The following MEIKIN variants were observed in gnomAD, a reference collection of about 807,000 sequenced individuals.
MEIKIN encodes the protein meiotic kinetochore factor.
At chr5:131,863,793 C>T (rs909526076) in intron 9 of MEIKIN, among the ~76,000 whole-genome samples, 13 of 151,992 alleles carry the variant, frequency 8.6e-5, no homozygotes, top group African/African-American at 3.1e-4. Flanking sequence ...CTTCCCCATG[C>T]CGTTCTTGTG....
At chr5:131,918,243 T>C (rs1164763482) in intron 6 of MEIKIN, among the ~76,000 whole-genome samples, 2 of 152,184 alleles carry the variant, frequency 1.3e-5, no homozygotes, top group African/African-American at 2.4e-5. Flanking sequence ...CCGATATCAT[T>C]TGAAACCCTG....
At position 131,927,691 on chromosome 5, in the gene MEIKIN, C is replaced by T. The variant is rs118165265; in HGVS notation, c.479-5750G>A. On this transcript the variant is annotated intron_variant, in intron 5 of 12. Coordinates refer to ENST00000442687, the MANE Select transcript of MEIKIN (RefSeq NM_001303622.2). ...CTGTATATCTTCCTGGTGAATTGAC[C>T]CTTTTATTATTATTTTTGTTCTTCT... 4.1e-4 allele frequency among the ~76,000 whole-genome samples: 63 copies of T among 151,970 alleles called. No individual in the cohort carries two copies. The East Asian group carries it at 4.4e-3, about 11-fold the overall frequency.
rs568198091 is a variant in MEIKIN at position 131,907,340 on chromosome 5, T to C, written c.703+4475A>G. Among the ~76,000 whole-genome samples the C allele has an allele frequency of 8.7e-5, 13 of 149,644 alleles. 1 individual carries two copies. In the East Asian group the frequency reaches 2.6e-3, roughly 30 times the overall value. On this transcript the variant is annotated intron_variant, in intron 8 of 12. Transcript: ENST00000442687. ...AAAAAAAGATCAGAGCAGAAACAAA[T>C]GAATTCGAAAACAATACAAAAAAGC...
intron 5 of MEIKIN, among the ~76,000 whole-genome samples, chr5:131,929,686 C>T (rs1362011304): frequency 6.6e-6 from 1 of 152,142 alleles, no homozygotes; most frequent in Non-Finnish European, 1.5e-5. Context: ...ACCCTCTTCC[C>T]ACCCTCCAAC....
intron 8 of MEIKIN, among the ~76,000 whole-genome samples, chr5:131,901,314 C>A (rs1751153370): frequency 6.6e-6 from 1 of 152,134 alleles, no homozygotes; most frequent in South Asian, 2.1e-4. Context: ...GATACCTGTA[C>A]AGATGGCACA....
chr5:131,934,120 A>G (rs912244613), intron 4 of MEIKIN, among the ~76,000 whole-genome samples: 2 of 147,358 alleles, frequency 1.4e-5, no homozygotes, highest in African/African-American at 2.5e-5. Flanking sequence ...CTGGCTAATT[A>G]TTTTTTTTTT....
intron 8 of MEIKIN, among the ~76,000 whole-genome samples, chr5:131,881,421 T>C (rs962748697): frequency 6.6e-6 from 1 of 152,202 alleles, no homozygotes; most frequent in African/African-American, 2.4e-5. Flanking sequence ...ATTTCTCCCT[T>C]TCCCTACCTC....
At chr5:131,864,397 G>C (rs763234796) in intron 9 of MEIKIN, among the ~76,000 whole-genome samples, 1 of 152,116 alleles carries the variant, frequency 6.6e-6, no homozygotes, top group Admixed American at 6.6e-5. Context: ...ACCAGTTGTA[G>C]GACTCCCTTG....
At chr5:131,918,166 A>T (rs1250594751) in intron 6 of MEIKIN, among the ~76,000 whole-genome samples, 2 of 152,164 alleles carry the variant, frequency 1.3e-5, no homozygotes, top group South Asian at 2.1e-4. Flanking sequence ...CTAAGAAGGG[A>T]CTTGTCTGAG....
intron 8 of MEIKIN, among the ~76,000 whole-genome samples, chr5:131,896,861 G>A (rs1010627217): frequency 6.6e-6 from 1 of 152,120 alleles, no homozygotes; most frequent in African/African-American, 2.4e-5. Context: ...TCTTTTAATT[G>A]GGGCATTTAG....
In MEIKIN at chr5:131,807,062, TTAAAAG is replaced by T. The variant is rs1311932847; in HGVS notation, c.*168_*173del. 3 of 388,542 alleles carry T rather than the reference TTAAAAG, an allele frequency of 7.7e-6. No homozygotes were observed. Among genetic ancestry groups the T allele is most frequent in the Non-Finnish European group, 1.4e-5 (3 of 220,468 alleles). The allele number at this position is 388,542 out of a possible 1,614,324, so 24.1% of individuals were successfully genotyped here. A position where few individuals can be genotyped will look rare whatever the true frequency, so the allele number is the denominator to read the frequency against. ...TGGAATAATTTTTTTTCTTAACTGA[TTAAAAG>T]TAAATGACAAGAACCTCAGTAGAAT... On this transcript the variant is annotated 3_prime_UTR_variant, in exon 13 of 13. Transcript: ENST00000442687.
In MEIKIN at chr5:131,838,681, G is replaced by C. The variant is rs1199077073; in HGVS notation, c.975+12583C>G. On this transcript the variant is annotated intron_variant, in intron 11 of 12. Coordinates refer to ENST00000442687, the MANE Select transcript of MEIKIN (RefSeq NM_001303622.2). ...TTATCTCATGGTTATTTGCTTTTCT[G>C]TGGGGCCAGTGTTAATATCCCTTTT... Among the ~76,000 whole-genome samples, 4 of 152,012 alleles carry C rather than the reference G, an allele frequency of 2.6e-5. No individual in the cohort carries two copies. In the East Asian group the frequency reaches 7.7e-4, roughly 29 times the overall value.
At chr5:131,820,601 T>A (rs970282427) in intron 11 of MEIKIN, among the ~76,000 whole-genome samples, 2 of 152,226 alleles carry the variant, frequency 1.3e-5, no homozygotes, top group Admixed American at 6.5e-5. Flanking sequence ...GGATTGGTAT[T>A]AGTTCTTCTT....
chr5:131,855,151 T>C (rs892308533), intron 9 of MEIKIN, among the ~76,000 whole-genome samples: 4 of 152,214 alleles, frequency 2.6e-5, no homozygotes, highest in Non-Finnish European at 4.4e-5. Context: ...AGTTAGGAAA[T>C]GGCGCTTCAG....
At chr5:131,815,548 C>G (rs1457051059) in intron 12 of MEIKIN, among the ~76,000 whole-genome samples, 1 of 152,190 alleles carries the variant, frequency 6.6e-6, no homozygotes. Context: ...GAGACTAATT[C>G]TATTAAACTG....
chr5:131,877,700 C>T (rs1413858858), intron 9 of MEIKIN, among the ~76,000 whole-genome samples: 1 of 152,098 alleles, frequency 6.6e-6, no homozygotes, highest in Non-Finnish European at 1.5e-5. Flanking sequence ...CGTAATGATT[C>T]ATAAGTAATC....
intron 11 of MEIKIN, among the ~76,000 whole-genome samples, chr5:131,840,093 A>G (rs959489210): frequency 7.2e-5 from 11 of 152,136 alleles, no homozygotes; most frequent in Admixed American, 4.6e-4. Context: ...TGTCTGAAAA[A>G]GATATTATTT....
intron 8 of MEIKIN, among the ~76,000 whole-genome samples, chr5:131,888,183 T>C (rs1750836827): frequency 6.7e-6 from 1 of 148,346 alleles, no homozygotes; most frequent in South Asian, 2.2e-4. Flanking sequence ...TGTGCATGTG[T>C]CTTTATAGCA....
intron 12 of MEIKIN, among the ~76,000 whole-genome samples, chr5:131,809,104 T>G (rs1772903413): frequency 6.6e-6 from 1 of 152,124 alleles, no homozygotes; most frequent in Admixed American, 6.5e-5. Flanking sequence ...TCTATTGGGC[T>G]TGTTTTACAT....
Sources: gnomAD v4.1 joint callset for allele counts (sites outside exome capture counted in the v4.1 genomes callset) on GRCh38, gnomAD v4.1.1 for gene constraint, MANE v1.5 for transcripts, NCBI Gene and HGNC (gene_info 2026-07-23, HGNC 2026-07-21) for gene names.